Variants in ACSL5 observed in about 807,000 individuals in gnomAD.
ACSL5 encodes acyl-CoA synthetase long chain family member 5.
A neutral mutation model predicts 84.9 loss-of-function variants in ACSL5; 50 were observed. The ratio of observed to expected loss-of-function variants is 0.59; its 90% CI spans 0.47 to 0.75. The LOEUF (loss-of-function observed/expected upper bound fraction) is 0.75, where lower values mean the gene tolerates loss of function less well. Among genes scored for constraint, ACSL5 ranks in the 30% least tolerant of loss-of-function variants. The pLI is 0.00. For synonymous variants in ACSL5, 280 were observed against 300.7 expected, an observed-to-expected ratio of 0.93 and a Z score of 0.71; for missense variants, 775 against 830.4, an observed-to-expected ratio of 0.93 and a Z score of 0.82.
intron 17 of ACSL5, among the ~76,000 whole-genome samples, chr10:112,423,206 AAAAAAAAAAAAAAAAATATAT>A (rs2133669728): frequency 1.3e-5 from 1 of 75,980 alleles, no homozygotes; most frequent in African/African-American, 4.4e-5. Flanking sequence ...AAAAAAAAAA[AAAAAAAAAAAAAAAAATATAT>A]ATATATATAT....
chr10:112,393,264 T>G (rs1456249081), intron 1 of ACSL5, among the ~76,000 whole-genome samples: 1 of 152,158 alleles, frequency 6.6e-6, no homozygotes, highest in Non-Finnish European at 1.5e-5. Flanking sequence ...TATTTTTGTT[T>G]TTACTTATTT....
chr10:112,399,842 A>T (rs1843836743), intron 3 of ACSL5, among the ~76,000 whole-genome samples: 1 of 152,222 alleles, frequency 6.6e-6, no homozygotes, highest in Non-Finnish European at 1.5e-5. Context: ...GGTTACTATC[A>T]CTGCCATTTT....
chr10:112,404,767 A>C lies in ACSL5; in HGVS notation c.393A>C (p.Pro131=), dbSNP rs938586888. 4 of 1,614,074 alleles carry C rather than the reference A, an allele frequency of 2.5e-6. No individual in the cohort carries two copies. In the East Asian group the frequency reaches 6.7e-5, roughly 27 times the overall value. ...TGCATAAAGGTTATAAATCATCACC[A>C]GACCAGTTTGTCGGCATCTTTGCTC... is the stretch of plus-strand genomic sequence containing the variant. ...CLLHKGYKSS[P]DQFVGIFAQN... The change falls in exon 5 of 21, where the codon CCA becomes CCC. Residue 131 remains proline, a synonymous_variant. Transcript: ENST00000354655.
At chr10:112,380,384 A>G (rs968152634) in intron 1 of ACSL5, among the ~76,000 whole-genome samples, 7 of 152,138 alleles carry the variant, frequency 4.6e-5, no homozygotes, top group Admixed American at 3.9e-4. Context: ...CAATGGCTCC[A>G]GAGGTGCAGT....
chr10:112,404,719 A>G lies in ACSL5; in HGVS notation c.345A>G (p.Ala115=). The G allele has an allele frequency of 6.2e-7, 1 of 1,613,930 alleles. No individual in the cohort carries two copies. The highest frequency in any genetic ancestry group is 8.5e-7 in the Non-Finnish European group (1 of 1,179,874). The part of the protein sequence containing the change: ...WLSYKQVSDR[A]EYLGSCLLHK... The stretch of plus-strand genomic sequence containing the variant: ...CTTTTTTGTAGGTGTCTGATAGAGC[A>G]GAGTACCTGGGTTCCTGTCTCTTGC... Residue 115 remains alanine (A), a synonymous_variant, in exon 5 of 21, where the codon GCA becomes GCG. Coordinates refer to ENST00000354655, the MANE Select transcript of ACSL5 (RefSeq NM_203379.2).
chr10:112,413,034 C>T (rs1459658231), intron 11 of ACSL5, 139 bp from the exon 12 acceptor site: 1 of 846,442 alleles, frequency 1.2e-6, no homozygotes, highest in Non-Finnish European at 1.9e-6. Context: ...TGCCTCAGCC[C>T]ACTTCCCAAA....
chr10:112,418,233 C>CA (rs1362084661), intron 14 of ACSL5, among the ~76,000 whole-genome samples: 1 of 152,106 alleles, frequency 6.6e-6, no homozygotes, highest in African/African-American at 2.4e-5. Context: ...GACCCTTGAA[C>CA]AATGCAAGAG....
At chr10:112,378,238 T>G (rs1463051699) in intron 1 of ACSL5, among the ~76,000 whole-genome samples, 2 of 121,088 alleles carry the variant, frequency 1.7e-5, no homozygotes, top group East Asian at 2.3e-4. Context: ...TTTTTTTTTT[T>G]TTTTTTTTTT....
At chr10:112,415,334 G>T (rs1236302968) in intron 12 of ACSL5, among the ~76,000 whole-genome samples, 2 of 152,142 alleles carry the variant, frequency 1.3e-5, no homozygotes, top group African/African-American at 2.4e-5. Flanking sequence ...TGAGTAGCTG[G>T]GACTACAGGT....
rs778349600 is a variant in ACSL5 at position 112,374,142 on chromosome 10, C to T, written c.-157C>T. ...CTCTCAGGACAGTACACAGTAGCTT[C>T]GGGTGTGTCCCAGTCAGTCCTAGGA... On this transcript the variant is annotated 5_prime_UTR_variant, in exon 1 of 21. Coordinates refer to ENST00000354655, the MANE Select transcript of ACSL5 (RefSeq NM_203379.2). The T allele has an allele frequency of 5.3e-5, 8 of 152,110 alleles. No homozygotes were observed. Among genetic ancestry groups the T allele is most frequent in the Non-Finnish European group, 1.2e-4 (8 of 68,054 alleles). The allele number at this position is 152,110 out of a possible 1,614,324, so 9.4% of individuals were successfully genotyped here.
At chr10:112,420,604 C>T in intron 14 of ACSL5, among the ~76,000 whole-genome samples, 1 of 152,220 alleles carries the variant, frequency 6.6e-6, no homozygotes, top group Non-Finnish European at 1.5e-5. Flanking sequence ...TCAGTTCCTT[C>T]AGTGATGCTC....
At chr10:112,384,172 C>A (rs2133569151) in intron 1 of ACSL5, among the ~76,000 whole-genome samples, 1 of 152,098 alleles carries the variant, frequency 6.6e-6, no homozygotes, top group South Asian at 2.1e-4. Context: ...GGCAACAGAG[C>A]AAGACTCTGT....
At chr10:112,421,565 G>A in intron 14 of ACSL5, 28 bp from the exon 15 acceptor site, 1 of 1,607,286 alleles carries the variant, frequency 6.2e-7, no homozygotes. Flanking sequence ...TCTTGAGTAA[G>A]TCTAAAAGCT....
intron 16 of ACSL5, 38 bp from the exon 17 acceptor site, chr10:112,422,287 C>A (rs1185797857): frequency 6.4e-7 from 1 of 1,570,500 alleles, no homozygotes; most frequent in Non-Finnish European, 8.7e-7. Flanking sequence ...GAGGAGCAGC[C>A]TTTGCTATTG....
chr10:112,395,067 C>A lies in ACSL5; in HGVS notation c.121C>A (p.Leu41Ile). The A allele has an allele frequency of 6.2e-7, 1 of 1,614,104 alleles. No homozygotes were observed. The highest frequency in any genetic ancestry group is 8.5e-7 in the Non-Finnish European group (1 of 1,179,996). ...CACCAGACCTCAACCCGTCTTACCT[C>A]TTCTTGACCTGAACAATCAGTCTGT... ...LITRPQPVLP[L>I]LDLNNQSVGI... The change falls in exon 2 of 21, where the codon CTT (leucine) becomes ATT (isoleucine). Residue 41 changes from leucine (L) to isoleucine (I), a missense_variant. By Grantham distance (5) the Leu-to-Ile change is conservative. Transcript: ENST00000354655.
chr10:112,422,898 T>A (rs1288140205), intron 17 of ACSL5, among the ~76,000 whole-genome samples: 1 of 142,326 alleles, frequency 7.0e-6, no homozygotes, highest in East Asian at 2.1e-4. Context: ...CTAGGTTAAG[T>A]TAAAAAAAGG....
rs1589690849 is a variant in ACSL5, at chr10:112,410,411, A to G, written c.712-52A>G. ...GGAGGGAGAGGGCCACATTTATCAC[A>G]GTCTGTCCATCTCAACTAATGTCTT... is the stretch of plus-strand genomic sequence containing the variant. On this transcript the variant is annotated intron_variant, in intron 7 of 20. Transcript: ENST00000354655. The G allele has an allele frequency of 9.9e-6, 16 of 1,612,582 alleles. No individual in the cohort carries two copies. The East Asian group carries it at 3.6e-4, about 36-fold the overall frequency.
At chr10:112,421,853 C>T (rs1844473237) in intron 15 of ACSL5, 94 bp from the exon 16 acceptor site, 5 of 1,427,714 alleles carry the variant, frequency 3.5e-6, no homozygotes, top group Admixed American at 1.7e-5. Flanking sequence ...TTCAGTCTTC[C>T]TCTTCTAGAG....
intron 1 of ACSL5, among the ~76,000 whole-genome samples, chr10:112,381,100 A>C (rs533731972): frequency 4.6e-5 from 7 of 152,282 alleles, no homozygotes; most frequent in African/African-American, 1.4e-4. Flanking sequence ...GGAAAGAGAC[A>C]ATTGGCAATA....
Sources: allele counts gnomAD v4.1 joint callset (sites outside exome capture counted in the v4.1 genomes callset), GRCh38; gene constraint gnomAD v4.1.1; transcripts MANE v1.5; gene names NCBI Gene and HGNC (gene_info 2026-07-23, HGNC 2026-07-21).